The following EIF4G3 variants were observed in gnomAD, a reference collection of about 807,000 sequenced individuals.
EIF4G3 encodes eukaryotic translation initiation factor 4 gamma 3.
Under a neutral mutation model 186.4 loss-of-function variants are expected in EIF4G3, and 34 were observed. That is an observed-to-expected ratio of 0.18 (90% CI 0.14 to 0.24). The LOEUF is 0.24. Among genes scored for constraint, EIF4G3 ranks in the 10% least tolerant of loss-of-function variants. EIF4G3 has a pLI of 1.00. For missense variants in EIF4G3, 1,536 were observed against 1,948.5 expected (o/e 0.79, Z 3.99); for synonymous variants, 673 against 679.5 (o/e 0.99, Z 0.15).
At chr1:21,117,884 AG>A (rs2096857083) in intron 2 of EIF4G3, among the ~76,000 whole-genome samples, 1 of 152,122 alleles carries the variant, frequency 6.6e-6, no homozygotes, top group African/African-American at 2.4e-5. Flanking sequence ...TGCAGCTACT[AG>A]GTCTTTGTTC....
chr1:21,147,691 A>C (rs2097473281), intron 2 of EIF4G3, among the ~76,000 whole-genome samples: 1 of 152,176 alleles, frequency 6.6e-6, no homozygotes, highest in African/African-American at 2.4e-5. Context: ...GGACATGAAC[A>C]AATAATTTTC....
At chr1:20,814,549 T>C (rs543303290) in intron 34 of EIF4G3, among the ~76,000 whole-genome samples, 1 of 152,210 alleles carries the variant, frequency 6.6e-6, no homozygotes, top group South Asian at 2.1e-4. Flanking sequence ...CTGCAGTGTA[T>C]TTTAATGACT....
At chr1:20,839,643 C>T (rs1378572911) in intron 30 of EIF4G3, among the ~76,000 whole-genome samples, 1 of 151,960 alleles carries the variant, frequency 6.6e-6, no homozygotes, top group East Asian at 1.9e-4. Context: ...TGCAGGCTCA[C>T]GCCACCACGT....
chr1:20,981,514 TATATACATACATACATGTATAC>T (rs2077994902), intron 8 of EIF4G3, among the ~76,000 whole-genome samples: 1 of 134,602 alleles, frequency 7.4e-6, no homozygotes, highest in Non-Finnish European at 1.7e-5. Context: ...ACATACTGTA[TATATACATACATACATGTATAC>T]GCACATACTG....
chr1:21,033,008 C>G (rs1481026398), intron 4 of EIF4G3, among the ~76,000 whole-genome samples: 1 of 152,148 alleles, frequency 6.6e-6, no homozygotes, highest in African/African-American at 2.4e-5. Context: ...CAGAATTTTT[C>G]CTTTTCATGT....
intron 12 of EIF4G3, among the ~76,000 whole-genome samples, chr1:20,963,977 C>T (rs2074046183): frequency 6.6e-6 from 1 of 151,604 alleles, no homozygotes; most frequent in South Asian, 2.1e-4. Context: ...CACCATTCAT[C>T]CTATTTGGAA....
At chr1:21,049,123 G>A (rs2094066140) in intron 4 of EIF4G3, among the ~76,000 whole-genome samples, 1 of 152,182 alleles carries the variant, frequency 6.6e-6, no homozygotes, top group Non-Finnish European at 1.5e-5. Context: ...TAGCCATTGT[G>A]CCCTGCATCA....
At chr1:20,992,505 C>A (rs1001492698) in intron 7 of EIF4G3, among the ~76,000 whole-genome samples, 6 of 152,122 alleles carry the variant, frequency 3.9e-5, no homozygotes, top group African/African-American at 1.4e-4. Context: ...ACGCTTGCCA[C>A]CAAGTAAGAC....
intron 28 of EIF4G3, 107 bp from the exon 29 acceptor site, chr1:20,849,637 C>T (rs1026573497): frequency 2.7e-5 from 13 of 476,590 alleles, no homozygotes; most frequent in African/African-American, 4.0e-5. Context: ...TTAATAGCTA[C>T]AAGACATTTA....
intron 2 of EIF4G3, among the ~76,000 whole-genome samples, chr1:21,113,456 CTCTT>C (rs1397911007): frequency 6.6e-6 from 1 of 152,024 alleles, no homozygotes; most frequent in Non-Finnish European, 1.5e-5. Flanking sequence ...TATTTTAACA[CTCTT>C]TCCTAAATAT....
intron 26 of EIF4G3, among the ~76,000 whole-genome samples, 158 bp downstream of exon 26, chr1:20,854,820 A>G (rs1316947613): frequency 2.6e-5 from 4 of 152,220 alleles, no homozygotes; most frequent in Non-Finnish European, 5.9e-5. Flanking sequence ...ATCCTGAGAA[A>G]GGATCTATGT....
chr1:21,101,872 T>A (rs1268602501), intron 2 of EIF4G3, among the ~76,000 whole-genome samples: 1 of 152,130 alleles, frequency 6.6e-6, no homozygotes, highest in Admixed American at 6.5e-5. Flanking sequence ...ACCCAGACCT[T>A]CAGAGTATAA....
At chr1:20,914,137 T>C (rs993383506) in intron 14 of EIF4G3, among the ~76,000 whole-genome samples, 3 of 151,378 alleles carry the variant, frequency 2.0e-5, no homozygotes, top group African/African-American at 4.9e-5. Flanking sequence ...ACAGTTGCGG[T>C]TAGTGATGTA....
At chr1:20,809,444 A>C (rs961049580) in intron 36 of EIF4G3, among the ~76,000 whole-genome samples, 2 of 152,202 alleles carry the variant, frequency 1.3e-5, no homozygotes, top group Non-Finnish European at 2.9e-5. Flanking sequence ...GCTCTCTCTA[A>C]TAGCTATGTA....
At chr1:21,149,980 C>T (rs1320155389) in intron 2 of EIF4G3, among the ~76,000 whole-genome samples, 1 of 152,366 alleles carries the variant, frequency 6.6e-6, no homozygotes, top group East Asian at 1.9e-4. Context: ...TGGGTCCCCC[C>T]ACTAATGCTG....
intron 10 of EIF4G3, among the ~76,000 whole-genome samples, chr1:20,979,517 G>A (rs1046258116): frequency 6.6e-6 from 1 of 152,158 alleles, no homozygotes; most frequent in Non-Finnish European, 1.5e-5. Context: ...TCTTTAAGGT[G>A]TAAGGTGGTA....
chr1:21,170,491 T>G (rs1042143707), intron 2 of EIF4G3, among the ~76,000 whole-genome samples: 6 of 147,344 alleles, frequency 4.1e-5, no homozygotes, highest in African/African-American at 1.3e-4. Flanking sequence ...GCCAACATGG[T>G]AAAACCCCAC....
chr1:20,965,842 C>A (rs2074530555), intron 12 of EIF4G3, among the ~76,000 whole-genome samples: 1 of 152,142 alleles, frequency 6.6e-6, no homozygotes, highest in South Asian at 2.1e-4. Context: ...TATTTTGTCT[C>A]ATTTAATCCT....
In EIF4G3 at chr1:20,941,718, G is replaced by C. The variant is rs532337784; in HGVS notation, c.1436C>G (p.Ala479Gly). ...SFPPTPPTPP[A>G]SPPHTPVIVP... ...AATGACTGGAGTGTGAGGAGGAGAA[G>C]CTGGAGGAGTTGGAGGAGTTGGAGG... Residue 479 changes from alanine (A) to glycine (G), a missense_variant, in exon 14 of 37, where the codon GCT becomes GGT. Physicochemically the swap from Ala to Gly is moderately conservative, Grantham distance 60. Coordinates refer to ENST00000602326, the MANE Select transcript of EIF4G3 (RefSeq NM_001391906.1). 3.6e-5 allele frequency: 58 copies of C among 1,612,076 alleles called. No homozygotes were observed. The South Asian group carries it at 6.3e-4, about 17-fold the overall frequency.
Sources: allele counts gnomAD v4.1 joint callset (sites outside exome capture counted in the v4.1 genomes callset), GRCh38; gene constraint gnomAD v4.1.1; transcripts MANE v1.5; gene names NCBI Gene and HGNC (gene_info 2026-07-23, HGNC 2026-07-21).